Variants in DOCK3 observed in about 807,000 individuals in gnomAD.
The protein encoded by DOCK3 is dedicator of cytokinesis protein 3.
DOCK3 carries 60 observed loss-of-function variants against 265.6 expected under a neutral mutation model. The observed-to-expected ratio is 0.23, with a 90% CI of 0.18 to 0.28. The LOEUF (loss-of-function observed/expected upper bound fraction) is 0.28, where lower values mean the gene tolerates loss of function less well. Ranked by LOEUF, DOCK3 falls within the 10% of genes least tolerant of loss-of-function variation. DOCK3 has a pLI of 1.00. For synonymous variants in DOCK3, 881 were observed against 938.0 expected (o/e 0.94, Z 1.11); for missense variants, 1,981 against 2,594.3 (o/e 0.76, Z 5.14).
chr3:50,988,917 C>A (rs2078001729), intron 5 of DOCK3, among the ~76,000 whole-genome samples: 1 of 152,168 alleles, frequency 6.6e-6, no homozygotes, highest in African/African-American at 2.4e-5. Flanking sequence ...ACAGAGCCTC[C>A]AGGGGCAACA....
chr3:51,192,633 A>G (rs1255148376), intron 12 of DOCK3, among the ~76,000 whole-genome samples: 1 of 152,138 alleles, frequency 6.6e-6, no homozygotes, highest in Non-Finnish European at 1.5e-5. Flanking sequence ...GAAGTCTGCT[A>G]GCTAACTCAG....
At chr3:50,822,603 C>T (rs983259893) in intron 2 of DOCK3, among the ~76,000 whole-genome samples, 1 of 152,036 alleles carries the variant, frequency 6.6e-6, no homozygotes, top group Non-Finnish European at 1.5e-5. Flanking sequence ...CTCAAATGAT[C>T]CTCCCATTTC....
chr3:51,248,831 A>G (rs188481813), intron 22 of DOCK3, among the ~76,000 whole-genome samples: 114,956 of 138,716 alleles, frequency 0.83, 47,481 homozygotes, highest in Middle Eastern at 0.9. Context: ...TGTGGAGAGC[A>G]CCTCTGCCCC....
intron 5 of DOCK3, among the ~76,000 whole-genome samples, chr3:51,027,123 C>T: frequency 6.6e-6 from 1 of 151,998 alleles, no homozygotes; most frequent in East Asian, 1.9e-4. Context: ...ACTGTTTTTG[C>T]TGCATCTGAG....
intron 2 of DOCK3, among the ~76,000 whole-genome samples, chr3:50,782,163 A>G (rs964454481): frequency 6.6e-6 from 1 of 152,290 alleles, no homozygotes; most frequent in East Asian, 1.9e-4. Flanking sequence ...GATGGGTCGA[A>G]TGGCAGTTCT....
chr3:51,249,064 G>A lies in DOCK3; in HGVS notation c.2184+2257G>A, dbSNP rs1429752893. On this transcript the variant is annotated intron_variant, in intron 22 of 52. Coordinates refer to ENST00000266037, the MANE Select transcript of DOCK3 (RefSeq NM_004947.5). ...CCACCCCGTCTGGGAAGTGAGGAGCGTCTCCGCCCGGCAGCCACCCCGTCC... is the reference window on the plus strand; with the variant it reads ...CCACCCCGTCTGGGAAGTGAGGAGCATCTCCGCCCGGCAGCCACCCCGTCC... Among the ~76,000 whole-genome samples, 11 of 141,516 alleles carry A rather than the reference G, an allele frequency of 7.8e-5. No individual in the cohort carries two copies. In the South Asian group the frequency reaches 1.1e-3, roughly 15 times the overall value. 92.8% of individuals were successfully genotyped at this position (141,516 alleles called of 152,430 possible).
At chr3:50,967,885 A>G (rs1373404635) in intron 5 of DOCK3, among the ~76,000 whole-genome samples, 2 of 152,196 alleles carry the variant, frequency 1.3e-5, no homozygotes, top group East Asian at 3.9e-4. Flanking sequence ...CAGCCAAACC[A>G]TATCAAATAC....
At chr3:51,223,770 A>G (rs1326603701) in intron 14 of DOCK3, among the ~76,000 whole-genome samples, 1 of 152,216 alleles carries the variant, frequency 6.6e-6, no homozygotes, top group African/African-American at 2.4e-5. Flanking sequence ...GAAAAATAGC[A>G]ATAAGCCATA....
chr3:51,320,428 G>T (rs1243931681), intron 32 of DOCK3, among the ~76,000 whole-genome samples: 16 of 146,568 alleles, frequency 1.1e-4, no homozygotes, highest in Non-Finnish European at 2.3e-4. Context: ...TTTTGTTTTT[G>T]TTTTTTTTTT....
intron 5 of DOCK3, among the ~76,000 whole-genome samples, chr3:50,963,096 A>T (rs538284157): frequency 6.6e-6 from 1 of 152,268 alleles, no homozygotes; most frequent in Non-Finnish European, 1.5e-5. Flanking sequence ...GAGGCATGAA[A>T]ATTGCTTGAA....
At chr3:50,861,985 T>C (rs1325571492) in intron 3 of DOCK3, among the ~76,000 whole-genome samples, 1 of 152,176 alleles carries the variant, frequency 6.6e-6, no homozygotes, top group Non-Finnish European at 1.5e-5. Context: ...GCTAGTTGCT[T>C]TGCCGTCTCA....
intron 27 of DOCK3, among the ~76,000 whole-genome samples, chr3:51,291,109 G>C (rs1029517728): frequency 6.6e-6 from 1 of 151,988 alleles, no homozygotes; most frequent in Non-Finnish European, 1.5e-5. Context: ...AATATCTGGA[G>C]ATAAAAATGG....
intron 47 of DOCK3, 63 bp downstream of exon 47, chr3:51,360,695 G>A (rs937044381): frequency 9.4e-5 from 151 of 1,602,862 alleles, no homozygotes; most frequent in Non-Finnish European, 1.2e-4. Context: ...TCAAGGGTCA[G>A]AGGAAAGAGT....
At chr3:50,748,291 G>C (rs566285788) in intron 1 of DOCK3, among the ~76,000 whole-genome samples, 99 of 152,318 alleles carry the variant, frequency 6.5e-4, no homozygotes, top group African/African-American at 2.4e-3. Flanking sequence ...GCAGCTGTGA[G>C]CCAGTGTGCC....
chr3:50,859,461 C>A (rs925759340), intron 3 of DOCK3, among the ~76,000 whole-genome samples: 1 of 151,958 alleles, frequency 6.6e-6, no homozygotes, highest in Non-Finnish European at 1.5e-5. Flanking sequence ...CGTGATCCAC[C>A]CCCCTCGGCC....
intron 9 of DOCK3, among the ~76,000 whole-genome samples, chr3:51,145,532 C>T (rs1416790685): frequency 6.6e-6 from 1 of 152,164 alleles, no homozygotes; most frequent in African/African-American, 2.4e-5. Flanking sequence ...ATGCAGCCCA[C>T]GATGGCTTTG....
At chr3:51,331,412 G>A (rs1346829775) in intron 33 of DOCK3, among the ~76,000 whole-genome samples, 1 of 152,094 alleles carries the variant, frequency 6.6e-6, no homozygotes, top group Non-Finnish European at 1.5e-5. Context: ...AAAGGAAAAA[G>A]TACAAAAATA....
intron 14 of DOCK3, among the ~76,000 whole-genome samples, chr3:51,223,627 A>G (rs1179070698): frequency 2.0e-5 from 3 of 152,212 alleles, no homozygotes; most frequent in Non-Finnish European, 4.4e-5. Context: ...CTTAAATTCC[A>G]TAGGAAAACT....
intron 9 of DOCK3, among the ~76,000 whole-genome samples, chr3:51,122,083 G>A (rs1460474591): frequency 6.6e-6 from 1 of 152,086 alleles, no homozygotes; most frequent in East Asian, 1.9e-4. Context: ...CAACCCCCTA[G>A]GATATTATTT....
Sources: allele counts gnomAD v4.1 joint callset (sites outside exome capture counted in the v4.1 genomes callset), GRCh38; gene constraint gnomAD v4.1.1; transcripts MANE v1.5; gene names NCBI Gene and HGNC (gene_info 2026-07-23, HGNC 2026-07-21).